The following PARD3 variants were observed in gnomAD, a reference collection of about 807,000 sequenced individuals.
The protein encoded by PARD3 is par-3 family cell polarity regulator, also known as partitioning defective 3 homolog.
A neutral mutation model predicts 155.4 loss-of-function variants in PARD3; 75 were observed. The ratio of observed to expected loss-of-function variants is 0.48; its 90% CI spans 0.40 to 0.58. PARD3 has a LOEUF of 0.58. Ranked by LOEUF, PARD3 falls within the 20% of genes least tolerant of loss-of-function variation. PARD3 has a pLI of 0.00. For synonymous variants in PARD3, 576 were observed against 610.5 expected (o/e 0.94, Z 0.83); for missense variants, 1,642 against 1,721.7 (o/e 0.95, Z 0.82).
intron 20 of PARD3, among the ~76,000 whole-genome samples, chr10:34,291,190 C>T (rs1163597481): frequency 6.6e-6 from 1 of 152,160 alleles, no homozygotes; most frequent in East Asian, 1.9e-4. Flanking sequence ...GAAAAAAAAT[C>T]TAGCCATATA....
At chr10:34,560,087 T>C (rs1286742085) in intron 2 of PARD3, among the ~76,000 whole-genome samples, 2 of 152,334 alleles carry the variant, frequency 1.3e-5, no homozygotes, top group African/African-American at 2.4e-5. Context: ...TTCAGAATAA[T>C]TGAAAATATT....
chr10:34,440,453 T>C (rs1249924173), intron 5 of PARD3, among the ~76,000 whole-genome samples: 2 of 152,214 alleles, frequency 1.3e-5, no homozygotes, highest in Admixed American at 1.3e-4. Context: ...TAAGACTGCC[T>C]GCAATGAAAA....
At chr10:34,517,694 C>A (rs569794615) in intron 2 of PARD3, among the ~76,000 whole-genome samples, 1 of 152,008 alleles carries the variant, frequency 6.6e-6, no homozygotes, top group African/African-American at 2.4e-5. Flanking sequence ...CTCTACTACA[C>A]GCCCCCCACA....
intron 22 of PARD3, among the ~76,000 whole-genome samples, chr10:34,212,003 G>A: frequency 6.8e-6 from 1 of 146,922 alleles, no homozygotes; most frequent in African/African-American, 2.6e-5. Flanking sequence ...TACTTCTTTG[G>A]AATCTCAGAG....
chr10:34,687,333 G>T (rs753977353), intron 2 of PARD3, among the ~76,000 whole-genome samples: 2 of 152,124 alleles, frequency 1.3e-5, no homozygotes, highest in African/African-American at 2.4e-5. Flanking sequence ...TCCTCAGCAC[G>T]TGGAGTTGTT....
At chr10:34,503,613 T>A (rs1234115701) in intron 3 of PARD3, among the ~76,000 whole-genome samples, 1 of 152,204 alleles carries the variant, frequency 6.6e-6, no homozygotes, top group Non-Finnish European at 1.5e-5. Context: ...AAAAAGAGGC[T>A]TTGTGTGATA....
At position 34,194,229 on chromosome 10, in the gene PARD3, T is replaced by C. The variant is rs77189875; in HGVS notation, c.3420-62646A>G. ...CAAAATTTGAGTTGTGACATTCTTCTAGTTGTAAAATAATGTTATCTGGCA... is the reference window on the plus strand; with the variant it reads ...CAAAATTTGAGTTGTGACATTCTTCCAGTTGTAAAATAATGTTATCTGGCA... On this transcript the variant is annotated intron_variant, in intron 22 of 24. Coordinates refer to ENST00000374788, the MANE Select transcript of PARD3 (RefSeq NM_001184785.2). Among the ~76,000 whole-genome samples, 410 of 152,310 alleles carry C rather than the reference T, an allele frequency of 2.7e-3. 2 individuals carry two copies. Among genetic ancestry groups the C allele is most frequent in the Non-Finnish European group, 3.4e-3 (228 of 68,022 alleles).
intron 2 of PARD3, among the ~76,000 whole-genome samples, chr10:34,655,694 A>G (rs567308651): frequency 6.6e-6 from 1 of 152,340 alleles, no homozygotes; most frequent in South Asian, 2.1e-4. Flanking sequence ...CAAGAGCAGT[A>G]ATAAAGTTAC....
intron 1 of PARD3, among the ~76,000 whole-genome samples, chr10:34,717,813 C>T (rs544350967): frequency 2.6e-5 from 4 of 152,236 alleles, no homozygotes; most frequent in Non-Finnish European, 4.4e-5. Flanking sequence ...GCAATAACAG[C>T]GGTACAGCCA....
chr10:34,246,750 G>A (rs1348432851), intron 22 of PARD3, among the ~76,000 whole-genome samples: 2 of 152,130 alleles, frequency 1.3e-5, no homozygotes, highest in African/African-American at 4.8e-5. Flanking sequence ...GGAGGAGACT[G>A]CATGGACTGA....
At chr10:34,410,463 C>A (rs1023547726) in intron 5 of PARD3, among the ~76,000 whole-genome samples, 1 of 152,272 alleles carries the variant, frequency 6.6e-6, no homozygotes, top group East Asian at 1.9e-4. Context: ...CATCAAAGAA[C>A]ACTTCAACTC....
At chr10:34,654,512 T>C (rs2093111244) in intron 2 of PARD3, among the ~76,000 whole-genome samples, 1 of 152,180 alleles carries the variant, frequency 6.6e-6, no homozygotes, top group Non-Finnish European at 1.5e-5. Context: ...TATAACTCTC[T>C]ACAGAATGGC....
intron 2 of PARD3, chr10:34,675,915 C>T (rs2093696312): frequency 5.4e-6 from 1 of 184,754 alleles, no homozygotes; most frequent in African/African-American, 2.3e-5. Context: ...TGGTACTTGT[C>T]TAAGGCTCTG....
In PARD3 at chr10:34,643,651, G is replaced by A. The variant is rs532359774; in HGVS notation, c.222+52667C>T. 5.9e-5 allele frequency among the ~76,000 whole-genome samples: 9 copies of A among 152,202 alleles called. No homozygotes were observed. In the South Asian group the frequency reaches 1.2e-3, roughly 21 times the overall value. On this transcript the variant is annotated intron_variant, in intron 2 of 24. Transcript: ENST00000374788. The stretch of plus-strand genomic sequence containing the variant: ...AATAAAATTATAGGTCAGGTGTGGC[G>A]GCTCACACCTATAATCAGTCTGAGA...
intron 7 of PARD3, among the ~76,000 whole-genome samples, chr10:34,385,333 A>T (rs983385547): frequency 6.6e-6 from 1 of 151,998 alleles, no homozygotes; most frequent in Non-Finnish European, 1.5e-5. Flanking sequence ...CTGGGGTTTC[A>T]CCATGTTGGC....
intron 3 of PARD3, among the ~76,000 whole-genome samples, chr10:34,512,712 A>AG (rs1398481569): frequency 1.3e-5 from 2 of 152,210 alleles, no homozygotes; most frequent in Non-Finnish European, 2.9e-5. Flanking sequence ...AAAACATATC[A>AG]GGAATTAACT....
chr10:34,692,303 T>C lies in PARD3; in HGVS notation c.222+4015A>G, dbSNP rs2133440597. On this transcript the variant is annotated intron_variant, in intron 2 of 24. Transcript: ENST00000374788. ...ATAAAATCTAAAACTATAAAAACCC[T>C]GGAAGATAACCTAGGAAATACCATT... 1.3e-5 allele frequency among the ~76,000 whole-genome samples: 2 copies of C among 151,624 alleles called. 1 individual carries two copies. Among genetic ancestry groups the C allele is most frequent in the Non-Finnish European group, 2.9e-5 (2 of 67,886 alleles).
At chr10:34,292,716 A>AT (rs1278377023) in intron 20 of PARD3, among the ~76,000 whole-genome samples, 3 of 151,042 alleles carry the variant, frequency 2.0e-5, no homozygotes, top group Non-Finnish European at 4.4e-5. Context: ...TAACTTTATT[A>AT]TTATTATTTT....
chr10:34,715,275 G>A (rs1056371934), intron 1 of PARD3, among the ~76,000 whole-genome samples: 7 of 151,886 alleles, frequency 4.6e-5, no homozygotes, highest in East Asian at 1.9e-4. Flanking sequence ...ACAAGGTCTC[G>A]CTGTGTTGCC....
Sources: gnomAD v4.1 joint callset for allele counts (sites outside exome capture counted in the v4.1 genomes callset) on GRCh38, gnomAD v4.1.1 for gene constraint, MANE v1.5 for transcripts, NCBI Gene and HGNC (gene_info 2026-07-23, HGNC 2026-07-21) for gene names.